CACNA1E: variants seen among roughly 807,000 people sequenced by gnomAD.
CACNA1E encodes voltage-dependent R-type calcium channel subunit alpha-1E.
CACNA1E carries 40 observed loss-of-function variants against 259.2 expected under a neutral mutation model. The observed-to-expected ratio is 0.15, with a 90% CI of 0.12 to 0.20. The LOEUF is 0.20. CACNA1E is among the 10% of genes least tolerant of loss of function. The pLI, the probability that CACNA1E is intolerant of heterozygous loss-of-function variation, is 1.00. For missense variants in CACNA1E, 1,874 were observed against 3,040.1 expected (o/e 0.62, Z 9.02); for synonymous variants, 1,104 against 1,138.5 (o/e 0.97, Z 0.61).
At chr1:181,674,735 C>A (rs1409945496) in intron 7 of CACNA1E, among the ~76,000 whole-genome samples, 1 of 152,196 alleles carries the variant, frequency 6.6e-6, no homozygotes, top group Admixed American at 6.5e-5. Flanking sequence ...GACCATCTCT[C>A]TCAAGTCTCT....
At chr1:181,499,149 A>G (rs1197869463) in intron 1 of CACNA1E, among the ~76,000 whole-genome samples, 1 of 152,226 alleles carries the variant, frequency 6.6e-6, no homozygotes, top group African/African-American at 2.4e-5. Flanking sequence ...AACCAAGAGC[A>G]GATCTCAGCA....
chr1:181,619,960 A>C (rs1655580452), intron 6 of CACNA1E, among the ~76,000 whole-genome samples: 1 of 152,070 alleles, frequency 6.6e-6, no homozygotes, highest in South Asian at 2.1e-4. Context: ...TCCATAGAGG[A>C]TCTTTTGTAG....
At chr1:181,617,439 G>A (rs1361184544) in intron 6 of CACNA1E, among the ~76,000 whole-genome samples, 1 of 152,074 alleles carries the variant, frequency 6.6e-6, no homozygotes, top group Non-Finnish European at 1.5e-5. Context: ...GTGGAAGGTG[G>A]GACAGAGATC....
chr1:181,641,060 G>A (rs970847466), intron 6 of CACNA1E, among the ~76,000 whole-genome samples: 2 of 152,186 alleles, frequency 1.3e-5, no homozygotes, highest in African/African-American at 4.8e-5. Flanking sequence ...TTGTACTCAC[G>A]ACTTAGCCTT....
intron 22 of CACNA1E, among the ~76,000 whole-genome samples, chr1:181,737,154 G>C (rs1426415202): frequency 6.6e-6 from 1 of 152,106 alleles, no homozygotes; most frequent in African/African-American, 2.4e-5. Flanking sequence ...ATGTTTTTTG[G>C]TTCTTTGTAA....
chr1:181,645,231 G>A (rs2102025751), intron 6 of CACNA1E, among the ~76,000 whole-genome samples: 1 of 152,268 alleles, frequency 6.6e-6, no homozygotes, highest in South Asian at 2.1e-4. Flanking sequence ...GTTACATTTG[G>A]GGTGGGGGAT....
At chr1:181,785,848 G>T in intron 43 of CACNA1E, 29 bp downstream of exon 43, 1 of 1,445,548 alleles carries the variant, frequency 6.9e-7, no homozygotes, top group Non-Finnish European at 9.6e-7. Flanking sequence ...TCCCTGGCAT[G>T]GCTGTTTGCA....
intron 7 of CACNA1E, among the ~76,000 whole-genome samples, chr1:181,654,305 A>G (rs1213493857): frequency 6.6e-6 from 1 of 151,762 alleles, no homozygotes; most frequent in African/African-American, 2.4e-5. Context: ...ATAAAATATA[A>G]AGGTAATACA....
exon 2 of CACNA1E, chr1:181,413,570 A>C (rs1056525685): frequency 1.3e-5 from 2 of 152,486 alleles, no homozygotes; most frequent in African/African-American, 4.8e-5. Flanking sequence ...GGCCCGGCGC[A>C]AGGAATGGGA....
At position 181,776,220 on chromosome 1, in the gene CACNA1E, A is replaced by C. The variant is rs767215554; in HGVS notation, c.5259A>C (p.Arg1753=). 6 of 1,614,048 alleles carry C rather than the reference A, an allele frequency of 3.7e-6. No homozygotes were observed. The highest frequency in any genetic ancestry group is 5.1e-6 in the Non-Finnish European group (6 of 1,179,884). ...EFVRVWAEYD[R]AACGRIHYTE... is the part of the protein sequence containing the mutation. The stretch of plus-strand genomic sequence containing the variant: ...TCCGCGTCTGGGCAGAATATGACCG[A>C]GCAGCATGGTGCGTAGGCCCCTCGG... The change falls in exon 38 of 48, where the codon CGA becomes CGC. Residue 1753 remains arginine, a synonymous_variant. Transcript: ENST00000367573. This position sits in a 1 kb window ranked among gnomAD's most constrained non-coding sequence, Gnocchi z 4.4.
intron 3 of CACNA1E, among the ~76,000 whole-genome samples, chr1:181,527,128 T>C (rs1428472338): frequency 6.6e-6 from 1 of 152,352 alleles, no homozygotes; most frequent in East Asian, 1.9e-4. Flanking sequence ...ATATCAAAAG[T>C]ATCATAGACC....
chr1:181,506,129 T>C (rs1300285911), intron 1 of CACNA1E, among the ~76,000 whole-genome samples: 1 of 152,232 alleles, frequency 6.6e-6, no homozygotes, highest in African/African-American at 2.4e-5. Context: ...CAGACTTCCA[T>C]CTTGTCCCTG....
Position 181,757,088 on chromosome 1 carries a change from G to A in CACNA1E, c.4291G>A (p.Asp1431Asn). 1 of 1,613,942 alleles carries A rather than the reference G, an allele frequency of 6.2e-7. No individual in the cohort carries two copies. Among genetic ancestry groups the A allele is most frequent in the Non-Finnish European group, 8.5e-7 (1 of 1,179,838 alleles). The change falls in exon 30 of 48, where the codon GAT becomes AAT. Residue 1431 changes from aspartate (D) to asparagine (N), a missense_variant. Asp to Asn is a conservative substitution (Grantham distance 23, BLOSUM62 1). Coordinates refer to ENST00000367573, the MANE Select transcript of CACNA1E (RefSeq NM_001205293.3). ...LIIITFQEQG[D>N]KMMEECSLEK... The stretch of plus-strand genomic sequence containing the variant: ...CATCATCACCTTCCAGGAGCAAGGG[G>A]ATAAGATGATGGAGGAGTGCAGCCT...
intron 43 of CACNA1E, among the ~76,000 whole-genome samples, chr1:181,788,103 G>GT (rs745921500): frequency 6.6e-6 from 1 of 152,218 alleles, no homozygotes; most frequent in Non-Finnish European, 1.5e-5. Flanking sequence ...TAAATTATCA[G>GT]TGATAGTAGC....
chr1:181,798,780 G>T lies in CACNA1E; in HGVS notation c.6888G>T (p.Met2296Ile), dbSNP rs540012833. ...RRRGGPGPGMMCGAVNNLLSD... is the reference protein window; with the variant it reads ...RRRGGPGPGMICGAVNNLLSD... ...GCGGGGGGCCTGGGCCAGGCATGAT[G>T]TGTGGGGCTGTCAACAACCTGCTAA... Residue 2296 changes from methionine to isoleucine, a missense_variant, in exon 48 of 48, where the codon ATG (methionine) becomes ATT (isoleucine). By Grantham distance (10) the Met-to-Ile change is conservative (BLOSUM62 1). Around this residue, in one of 14 missense-constraint regions of CACNA1E, gnomAD observed 542 missense variants for 587.2 expected, o/e 0.92. Transcript: ENST00000367573. The surrounding 1 kb of genome is among the most constrained non-coding windows in gnomAD (Gnocchi z 4.2). The T allele has an allele frequency of 6.4e-7, 1 of 1,568,736 alleles. No homozygotes were observed. The highest frequency in any genetic ancestry group is 8.6e-7 in the Non-Finnish European group (1 of 1,157,062).
intron 7 of CACNA1E, among the ~76,000 whole-genome samples, chr1:181,654,183 G>C (rs914595067): frequency 2.0e-5 from 3 of 150,080 alleles, no homozygotes; most frequent in African/African-American, 7.4e-5. Flanking sequence ...GAGGTTAAGG[G>C]CTCTTGGAAA....
chr1:181,789,457 C>T (rs891653253), intron 43 of CACNA1E, among the ~76,000 whole-genome samples: 4 of 152,136 alleles, frequency 2.6e-5, no homozygotes, highest in Non-Finnish European at 5.9e-5. Flanking sequence ...GCAGAGTCAT[C>T]AGCAGTAGAC....
At chr1:181,400,231 C>G (rs995901438) in intron 1 of CACNA1E, among the ~76,000 whole-genome samples, 8 of 152,186 alleles carry the variant, frequency 5.3e-5, no homozygotes, top group African/African-American at 1.9e-4. Context: ...TGGAAAACAA[C>G]TTGATCTTTT....
Position 181,600,433 on chromosome 1 carries a change from A to C in CACNA1E, c.951+19657A>C, listed in dbSNP as rs537859042. On this transcript the variant is annotated intron_variant, in intron 6 of 47. Coordinates refer to ENST00000367573, the MANE Select transcript of CACNA1E (RefSeq NM_001205293.3). ...CTACCTGCTGTATGGAGAACTGGCC[A>C]TGGCAGGGCAAGAGTGGAGGCGGGC... Among the ~76,000 whole-genome samples the C allele has an allele frequency of 5.3e-5, 8 of 152,346 alleles. No homozygotes were observed. In the South Asian group the frequency reaches 1.7e-3, roughly 32 times the overall value.
Sources: allele counts gnomAD v4.1 joint callset (sites outside exome capture counted in the v4.1 genomes callset), GRCh38; gene constraint gnomAD v4.1.1; regional missense constraint gnomAD v4.1.1; non-coding constraint Gnocchi (gnomAD v3.1); transcripts MANE v1.5; gene names NCBI Gene and HGNC (gene_info 2026-07-23, HGNC 2026-07-21).